DENND2B: variants seen among roughly 807,000 people sequenced by gnomAD.
The protein encoded by DENND2B is DENN domain-containing protein 2B.
A neutral mutation model predicts 116.0 loss-of-function variants in DENND2B; 32 were observed. The ratio of observed to expected loss-of-function variants is 0.28; its 90% CI spans 0.21 to 0.37. The LOEUF (loss-of-function observed/expected upper bound fraction) is 0.37. DENND2B is among the 10% of genes least tolerant of loss of function. The pLI is 1.00. For synonymous variants in DENND2B, 588 were observed against 583.9 expected (o/e 1.01, Z -0.10); for missense variants, 1,276 against 1,477.7 (o/e 0.86, Z 2.24).
Position 8,702,441 on chromosome 11 carries a change from C to T in DENND2B, c.2720+131G>A. 7.5e-7 allele frequency: 1 copy of T among 1,328,668 alleles called. No homozygotes were observed. Among genetic ancestry groups the T allele is most frequent in the Non-Finnish European group, 1.0e-6 (1 of 975,280 alleles). 82.3% of individuals were successfully genotyped at this position (1,328,668 alleles called of 1,614,324 possible). On this transcript the variant is annotated intron_variant, in intron 14 of 19. Coordinates refer to ENST00000313726, the MANE Select transcript of DENND2B (RefSeq NM_213618.2). The surrounding 1 kb of genome is among the most constrained non-coding windows in gnomAD (Gnocchi z 4.6). ...GGGTGCTACCTTTCCACCTAGTCTT[C>T]CATCTCCCTACGCACAGCCCCACTC...
chr11:8,697,957 C>T (rs1473859669), intron 16 of DENND2B: 12 of 470,614 alleles, frequency 2.5e-5, no homozygotes, highest in Middle Eastern at 3.1e-4. Context: ...CTTAGCAGGT[C>T]CCTCTATCTG....
At chr11:8,864,562 G>GCA (rs2063514238) in intron 2 of DENND2B, among the ~76,000 whole-genome samples, 1 of 152,144 alleles carries the variant, frequency 6.6e-6, no homozygotes, top group East Asian at 1.9e-4. Flanking sequence ...TAGCCACCAG[G>GCA]CCTGGCCTCC....
chr11:8,781,355 G>A lies in DENND2B; in HGVS notation c.-26+29162C>T, dbSNP rs553814400. Among the ~76,000 whole-genome samples the A allele has an allele frequency of 3.3e-5, 5 of 152,242 alleles. No individual in the cohort carries two copies. In the South Asian group the frequency reaches 8.3e-4, roughly 25 times the overall value. ...GGGAGTTCAGAGCGAGAGTTGGGAG[G>A]AGGTGAGGTGGCTTCATTGGAGAGG... On this transcript the variant is annotated intron_variant, in intron 1 of 19. Coordinates refer to ENST00000313726, the MANE Select transcript of DENND2B (RefSeq NM_213618.2).
chr11:8,737,424 C>T (rs1565790428), intron 2 of DENND2B, among the ~76,000 whole-genome samples: 1 of 152,068 alleles, frequency 6.6e-6, no homozygotes, highest in African/African-American at 2.4e-5. Context: ...CTGCCAACAA[C>T]TAAGTAAGAG....
At chr11:8,779,963 C>T (rs2058209465) in intron 1 of DENND2B, among the ~76,000 whole-genome samples, 1 of 152,170 alleles carries the variant, frequency 6.6e-6, no homozygotes, top group Admixed American at 6.5e-5. Context: ...CTTCAGGCTC[C>T]CCCAGGTGCA....
At chr11:8,799,918 T>TTTTTTA (rs2060167533) in intron 1 of DENND2B, among the ~76,000 whole-genome samples, 2 of 143,652 alleles carry the variant, frequency 1.4e-5, no homozygotes, top group African/African-American at 5.2e-5. Flanking sequence ...TCACCATGTA[T>TTTTTTA]TTATTATTAT....
At chr11:8,896,851 A>G (rs1276925508) in intron 1 of DENND2B, among the ~76,000 whole-genome samples, 2 of 152,370 alleles carry the variant, frequency 1.3e-5, no homozygotes, top group Non-Finnish European at 2.9e-5. Context: ...TTGACTTACA[A>G]TATTTTCAAC....
intron 1 of DENND2B, among the ~76,000 whole-genome samples, chr11:8,888,566 T>C (rs1180973490): frequency 6.6e-6 from 1 of 152,090 alleles, no homozygotes; most frequent in Non-Finnish European, 1.5e-5. Flanking sequence ...AAGAAAAAAT[T>C]GATATATTGC....
At chr11:8,846,329 T>C (rs753027583) in intron 3 of DENND2B, among the ~76,000 whole-genome samples, 1 of 152,136 alleles carries the variant, frequency 6.6e-6, no homozygotes, top group East Asian at 1.9e-4. Context: ...CTGGTGACAT[T>C]GGAAGGAAGA....
rs538943745 is a variant in DENND2B at position 8,817,503 on chromosome 11, T to TC, written c.-114-6169dup. Among the ~76,000 whole-genome samples, 378 of 152,020 alleles carry TC rather than the reference T, an allele frequency of 2.5e-3. 1 individual carries two copies. Among genetic ancestry groups the TC allele is most frequent in the African/African-American group, 8.6e-3 (358 of 41,460 alleles). ...CCCAGGTCCTTACTCCTGACCTAAT[T>TC]CCCCCTGCCTCTCCTACCACCAGCA... On this transcript the variant is annotated intron_variant, in intron 4 of 6. Coordinates refer to the DENND2B transcript ENST00000524757.
At chr11:8,901,994 A>G (rs146716439) in intron 1 of DENND2B, among the ~76,000 whole-genome samples, 2 of 152,060 alleles carry the variant, frequency 1.3e-5, no homozygotes, top group African/African-American at 2.4e-5. Context: ...TTAGCCTTCT[A>G]TATCTTTGCT....
At chr11:8,736,328 GC>G (rs1423494462) in intron 2 of DENND2B, among the ~76,000 whole-genome samples, 2 of 151,836 alleles carry the variant, frequency 1.3e-5, no homozygotes, top group African/African-American at 4.8e-5. Context: ...TCCAGCCTGG[GC>G]AACAGAGTGA....
At chr11:8,752,991 C>A (rs916748314) in intron 1 of DENND2B, among the ~76,000 whole-genome samples, 10 of 152,178 alleles carry the variant, frequency 6.6e-5, no homozygotes, top group African/African-American at 2.4e-4. Flanking sequence ...AATTCCAGCA[C>A]TTTGGGAAGC....
intron 1 of DENND2B, among the ~76,000 whole-genome samples, chr11:8,897,895 C>A (rs1266749375): frequency 1.3e-5 from 2 of 152,122 alleles, no homozygotes; most frequent in Non-Finnish European, 2.9e-5. Context: ...CAGCAATCCT[C>A]CCACAGTTAG....
At chr11:8,829,156 G>GT (rs1491468292) in intron 4 of DENND2B, among the ~76,000 whole-genome samples, 12 of 150,776 alleles carry the variant, frequency 8.0e-5, no homozygotes, top group South Asian at 2.1e-4. Context: ...GTGTGTGTGT[G>GT]GTGTGTAGTA....
In DENND2B at chr11:8,880,345, CTG is replaced by C. The variant is rs56051922; in HGVS notation, c.-156+663_-156+664del. 4.7e-3 allele frequency among the ~76,000 whole-genome samples: 561 copies of C among 120,626 alleles called. 3 individuals carry two copies. Among genetic ancestry groups the C allele is most frequent in the African/African-American group, 0.013 (450 of 35,176 alleles). The allele number at this position is 120,626 out of a possible 152,430, so 79.1% of individuals were successfully genotyped here. On this transcript the variant is annotated intron_variant, in intron 2 of 22. Transcript: ENST00000534127. The stretch of plus-strand genomic sequence containing the variant: ...ATGCACTGGAAGCTGTCACTTTGAA[CTG>C]TGTGTGTGTGTGTGTGTGTGTGTGT...
At chr11:8,695,881 T>G (rs1368348382) in intron 18 of DENND2B, 1 of 377,834 alleles carries the variant, frequency 2.6e-6, no homozygotes, top group East Asian at 5.4e-5. Context: ...TCCAAAAAGG[T>G]TGTTATACTA....
intron 1 of DENND2B, among the ~76,000 whole-genome samples, chr11:8,904,222 A>C (rs1379649602): frequency 2.0e-5 from 3 of 152,166 alleles, no homozygotes. Flanking sequence ...AGATTGGCTT[A>C]ATATCCAAAA....
Position 8,712,574 on chromosome 11 carries a change from C to A in DENND2B, c.2149G>T (p.Glu717Ter). 1 of 1,553,942 alleles carries A rather than the reference C, an allele frequency of 6.4e-7. No individual in the cohort carries two copies. Reference protein sequence around the residue: ...KKPSRNTYLPEVSYQFPKLDR... With the variant: ...KKPSRNTYLP Reference sequence around the variant, plus strand: ...ACCTTGGGAAACTGGTAGGAGACTTCGGGGAGGTAGGTGTTTCGCGATGGC... The same window carrying A: ...ACCTTGGGAAACTGGTAGGAGACTTAGGGGAGGTAGGTGTTTCGCGATGGC... The change falls in exon 9 of 20, where the codon GAA becomes TAA. Residue 717 changes from glutamate (E) to a stop codon, truncating the protein, a stop_gained. Transcript: ENST00000313726. LOFTEE classifies it high-confidence loss of function. This position sits in a 1 kb window ranked among gnomAD's most constrained non-coding sequence, Gnocchi z 4.4.
Sources: allele counts gnomAD v4.1 joint callset (sites outside exome capture counted in the v4.1 genomes callset), GRCh38; gene constraint gnomAD v4.1.1; non-coding constraint Gnocchi (gnomAD v3.1); transcripts MANE v1.5; gene names NCBI Gene and HGNC (gene_info 2026-07-23, HGNC 2026-07-21).